POFUT3: variants seen among roughly 807,000 people sequenced by gnomAD.
POFUT3 encodes the protein protein O-fucosyltransferase 3, also known as GDP-fucose protein O-fucosyltransferase 3.
chr8:33,383,946 GAA>G, the POFUT3 span, among the ~76,000 whole-genome samples: 2 of 136,760 alleles, frequency 1.5e-5, no homozygotes, highest in African/African-American at 2.7e-5. Context: ...TCTGACCCCT[GAA>G]AAAAAAAAAA....
chr8:33,320,488 C>G, the POFUT3 span, among the ~76,000 whole-genome samples: 1 of 152,044 alleles, frequency 6.6e-6, no homozygotes, highest in African/African-American at 2.4e-5. Flanking sequence ...AATGGTTTCT[C>G]TTCTATTGCA....
At chr8:33,312,553 T>C in the POFUT3 span, among the ~76,000 whole-genome samples, 2 of 152,150 alleles carry the variant, frequency 1.3e-5, no homozygotes, top group African/African-American at 4.8e-5. Context: ...CATGAGATTT[T>C]ATATTCCAAG....
At chr8:33,443,373 A>G in the POFUT3 span, among the ~76,000 whole-genome samples, 1 of 151,666 alleles carries the variant, frequency 6.6e-6, no homozygotes. Flanking sequence ...CTTCATCCCT[A>G]CTCCCGATTT....
the POFUT3 span, among the ~76,000 whole-genome samples, chr8:33,441,951 T>C: frequency 1.3e-5 from 2 of 152,176 alleles, no homozygotes; most frequent in Middle Eastern, 3.4e-3. Flanking sequence ...CTGTCACTTC[T>C]ATTTTTTTTC....
the POFUT3 span, among the ~76,000 whole-genome samples, chr8:33,393,976 G>A: frequency 6.6e-6 from 1 of 152,288 alleles, no homozygotes; most frequent in East Asian, 1.9e-4. Flanking sequence ...GAGCCCAGGA[G>A]TTCAAGGCCA....
the POFUT3 span, among the ~76,000 whole-genome samples, chr8:33,407,551 T>C: frequency 6.6e-6 from 1 of 152,112 alleles, no homozygotes. Flanking sequence ...ATGGCCTTAA[T>C]AAAATAGAAA....
At chr8:33,409,103 T>A in the POFUT3 span, among the ~76,000 whole-genome samples, 2 of 152,104 alleles carry the variant, frequency 1.3e-5, no homozygotes, top group African/African-American at 4.8e-5. Flanking sequence ...TTTCTTTATT[T>A]TTATTTATTT....
At chr8:33,434,683 A>T in the POFUT3 span, among the ~76,000 whole-genome samples, 3 of 152,126 alleles carry the variant, frequency 2.0e-5, no homozygotes, top group Admixed American at 6.5e-5. Context: ...AGTGCTGCTG[A>T]TGACTCCAGG....
chr8:33,386,137 C>A, the POFUT3 span, among the ~76,000 whole-genome samples: 3 of 137,102 alleles, frequency 2.2e-5, no homozygotes, highest in Non-Finnish European at 4.5e-5. Flanking sequence ...TGCAGTGAGC[C>A]GAGATCACGC....
At chr8:33,428,670 G>C in the POFUT3 span, among the ~76,000 whole-genome samples, 2 of 152,176 alleles carry the variant, frequency 1.3e-5, no homozygotes, top group African/African-American at 4.8e-5. Context: ...GTGTTGGGGG[G>C]TGTGGCCTAA....
the POFUT3 span, among the ~76,000 whole-genome samples, chr8:33,442,351 G>A: frequency 2.0e-5 from 3 of 150,434 alleles, no homozygotes; most frequent in Admixed American, 1.3e-4. Context: ...GCAGTGGTGC[G>A]ATCTTAGCTC....
the POFUT3 span, among the ~76,000 whole-genome samples, chr8:33,354,558 T>A: frequency 2.0e-5 from 3 of 152,228 alleles, no homozygotes; most frequent in Non-Finnish European, 2.9e-5. Flanking sequence ...CTGGATTAAA[T>A]AATGCCTGTT....
the POFUT3 span, among the ~76,000 whole-genome samples, chr8:33,448,207 A>G: frequency 7.6e-6 from 1 of 131,908 alleles, no homozygotes; most frequent in Non-Finnish European, 1.7e-5. Context: ...TTAGCCAGAT[A>G]TGGCGGCAAG....
chr8:33,367,869 A>T, the POFUT3 span, among the ~76,000 whole-genome samples: 1 of 150,484 alleles, frequency 6.6e-6, no homozygotes, highest in East Asian at 2.0e-4. Flanking sequence ...ATGGTTTTTA[A>T]ATATAATTAC....
chr8:33,447,204 C>T, the POFUT3 span, among the ~76,000 whole-genome samples: 2,914 of 152,264 alleles, frequency 0.019, 45 homozygotes, highest in Non-Finnish European at 0.028. Context: ...AATCCCAGCA[C>T]TTTGGGAGGC....
the POFUT3 span, among the ~76,000 whole-genome samples, chr8:33,333,950 C>T: frequency 6.6e-6 from 1 of 151,978 alleles, no homozygotes; most frequent in African/African-American, 2.4e-5. Flanking sequence ...AGGGAAAGAC[C>T]TAGAAAAGTT....
At chr8:33,360,315 G>C in the POFUT3 span, among the ~76,000 whole-genome samples, 1 of 151,654 alleles carries the variant, frequency 6.6e-6, no homozygotes, top group Middle Eastern at 3.4e-3. Context: ...GCGTGGTGGC[G>C]GGTGCCTGTA....
the POFUT3 span, among the ~76,000 whole-genome samples, chr8:33,309,302 A>G: frequency 6.7e-6 from 1 of 149,560 alleles, no homozygotes; most frequent in East Asian, 2.0e-4. Context: ...GGCTTATTAT[A>G]TCTGCATTGC....
At chr8:33,316,014 GC>G in the POFUT3 span, among the ~76,000 whole-genome samples, 1 of 152,148 alleles carries the variant, frequency 6.6e-6, no homozygotes, top group South Asian at 2.1e-4. Flanking sequence ...GATTATCTTT[GC>G]TGCCAAATGT....
Sources: gnomAD v4.1 joint callset for allele counts (sites outside exome capture counted in the v4.1 genomes callset) on GRCh38, gnomAD v4.1.1 for gene constraint, MANE v1.5 for transcripts, NCBI Gene and HGNC (gene_info 2026-07-23, HGNC 2026-07-21) for gene names.